DCC: variants seen among roughly 807,000 people sequenced by gnomAD.
DCC encodes the protein netrin receptor DCC.
A neutral mutation model predicts 172.5 loss-of-function variants in DCC; 58 were observed. That is an observed-to-expected ratio of 0.34 (90% CI 0.27 to 0.42). DCC has a LOEUF of 0.42. Ranked by LOEUF, DCC falls within the 10% of genes least tolerant of loss-of-function variation. The probability of loss-of-function intolerance (pLI) is 1.00; values close to 1 mark genes in which losing one functional copy is unlikely to be tolerated. For missense variants in DCC, 1,740 were observed against 1,791.0 expected (o/e 0.97, Z 0.51); for synonymous variants, 709 against 644.5 (o/e 1.10, Z -1.52).
intron 2 of DCC, among the ~76,000 whole-genome samples, chr18:52,868,114 T>C (rs1329479165): frequency 2.0e-5 from 3 of 151,560 alleles, no homozygotes; most frequent in African/African-American, 7.3e-5. Context: ...TATATTTGTA[T>C]ATATATGTGT....
chr18:53,394,594 A>G (rs1908794863), intron 17 of DCC, among the ~76,000 whole-genome samples: 1 of 152,106 alleles, frequency 6.6e-6, no homozygotes, highest in Admixed American at 6.6e-5. Context: ...TACTAGATAT[A>G]ATATGGATGT....
chr18:52,435,366 T>C (rs1598816041), intron 1 of DCC, among the ~76,000 whole-genome samples: 1 of 152,150 alleles, frequency 6.6e-6, no homozygotes, highest in Non-Finnish European at 1.5e-5. Context: ...ACTTAGCCCT[T>C]CTCTATTTCA....
intron 1 of DCC, among the ~76,000 whole-genome samples, chr18:52,700,358 CACACACACACAT>C (rs1218883675): frequency 1.3e-5 from 1 of 77,658 alleles, no homozygotes; most frequent in African/African-American, 3.5e-5. Flanking sequence ...CACTCACATG[CACACACACACAT>C]GCACACACAT....
In DCC at chr18:53,531,696, G is replaced by A. The variant is rs898642308; in HGVS notation, c.*1043G>A. 1 of 152,160 alleles carries A rather than the reference G, an allele frequency of 6.6e-6. No homozygotes were observed. Among genetic ancestry groups the A allele is most frequent in the Admixed American group, 6.6e-5 (1 of 15,258 alleles). 9.4% of individuals were successfully genotyped at this position (152,160 alleles called of 1,614,324 possible). ...GAAATGGCAGACTCCCTGAGAGCAG[G>A]AAGAGAAGGAAAATAAAAGGTAGCT... is the stretch of plus-strand genomic sequence containing the variant. On this transcript the variant is annotated 3_prime_UTR_variant, in exon 29 of 29. Coordinates refer to ENST00000442544, the MANE Select transcript of DCC (RefSeq NM_005215.4).
chr18:53,181,157 C>T (rs1321227125), intron 9 of DCC, among the ~76,000 whole-genome samples: 1 of 152,130 alleles, frequency 6.6e-6, no homozygotes. Context: ...GCTTTAAAAG[C>T]ATGCTCATTT....
rs117442443 is a variant in DCC, at chr18:53,287,447, A to C, written c.1912-18131A>C. On this transcript the variant is annotated intron_variant, in intron 12 of 28. Transcript: ENST00000442544. The stretch of plus-strand genomic sequence containing the variant: ...TTGTGTGAATAATGCTGCTATGAAC[A>C]TTTGTAAATAAGTTTATATGTAGAT... Among the ~76,000 whole-genome samples, 821 of 152,310 alleles carry C rather than the reference A, an allele frequency of 5.4e-3. 6 individuals are homozygous for C. Among genetic ancestry groups the C allele is most frequent in the Admixed American group, 0.023 (348 of 15,288 alleles).
chr18:52,445,120 A>G (rs1988082822), intron 1 of DCC, among the ~76,000 whole-genome samples: 2 of 152,208 alleles, frequency 1.3e-5, no homozygotes, highest in African/African-American at 2.4e-5. Context: ...GGAGAATAAA[A>G]GGAGAGGGAA....
At chr18:52,541,422 C>G (rs1304458858) in intron 1 of DCC, among the ~76,000 whole-genome samples, 7 of 152,080 alleles carry the variant, frequency 4.6e-5, no homozygotes, top group Non-Finnish European at 8.8e-5. Context: ...AATTTTTAAC[C>G]TCTGTTTTCT....
intron 1 of DCC, among the ~76,000 whole-genome samples, chr18:52,578,619 T>A (rs933725888): frequency 2.6e-5 from 4 of 152,226 alleles, no homozygotes; most frequent in Non-Finnish European, 5.9e-5. Context: ...TTCAATGAAG[T>A]TTTATTTTTG....
chr18:53,063,652 A>C (rs1025709899), intron 6 of DCC, 193 bp downstream of exon 6: 1 of 556,592 alleles, frequency 1.8e-6, no homozygotes, highest in Non-Finnish European at 3.2e-6. Context: ...TGATCAAAGA[A>C]TTCAGCCCCC....
intron 7 of DCC, among the ~76,000 whole-genome samples, chr18:53,131,931 A>G (rs997786500): frequency 6.5e-5 from 9 of 139,472 alleles, no homozygotes; most frequent in African/African-American, 2.4e-4. Context: ...CTTGGCAAAC[A>G]TGGTATCATT....
At chr18:53,485,702 A>G (rs1440510612) in intron 25 of DCC, among the ~76,000 whole-genome samples, 6 of 152,090 alleles carry the variant, frequency 3.9e-5, no homozygotes, top group Admixed American at 3.3e-4. Flanking sequence ...AGCCCTTTTA[A>G]AATCTTTTAT....
chr18:53,181,762 G>T (rs1002602607), intron 9 of DCC, among the ~76,000 whole-genome samples: 1 of 152,136 alleles, frequency 6.6e-6, no homozygotes, highest in African/African-American at 2.4e-5. Context: ...CAGCAGATTT[G>T]GGGGGAAGCA....
chr18:52,652,007 C>G (rs1285335828), intron 1 of DCC, among the ~76,000 whole-genome samples: 1 of 152,132 alleles, frequency 6.6e-6, no homozygotes, highest in Non-Finnish European at 1.5e-5. Context: ...TTGGAAAGTG[C>G]AACGCAACTT....
chr18:53,005,021 GC>G (rs2041623143), intron 5 of DCC, among the ~76,000 whole-genome samples: 1 of 152,116 alleles, frequency 6.6e-6, no homozygotes, highest in Admixed American at 6.6e-5. Flanking sequence ...AGTGAATTTA[GC>G]CCCTTCTTGC....
At chr18:53,323,307 A>T (rs1340063265) in intron 14 of DCC, among the ~76,000 whole-genome samples, 1 of 152,016 alleles carries the variant, frequency 6.6e-6, no homozygotes, top group Non-Finnish European at 1.5e-5. Flanking sequence ...ACTATCATTA[A>T]TGATTTTTCT....
intron 7 of DCC, among the ~76,000 whole-genome samples, chr18:53,123,025 A>G (rs529989544): frequency 6.6e-6 from 1 of 152,164 alleles, no homozygotes; most frequent in South Asian, 2.1e-4. Flanking sequence ...TGGACACTGT[A>G]CAGATCATCG....
intron 1 of DCC, among the ~76,000 whole-genome samples, chr18:52,663,034 C>T (rs1568280827): frequency 6.6e-6 from 1 of 152,088 alleles, no homozygotes; most frequent in Admixed American, 6.5e-5. Context: ...ATACCATTCC[C>T]ATACAAAAAA....
At chr18:52,622,277 C>T (rs2034494305) in intron 1 of DCC, among the ~76,000 whole-genome samples, 1 of 152,170 alleles carries the variant, frequency 6.6e-6, no homozygotes, top group African/African-American at 2.4e-5. Flanking sequence ...AACACAAATA[C>T]TCAACAGCTA....
Sources: allele counts gnomAD v4.1 joint callset (sites outside exome capture counted in the v4.1 genomes callset), GRCh38; gene constraint gnomAD v4.1.1; transcripts MANE v1.5; gene names NCBI Gene and HGNC (gene_info 2026-07-23, HGNC 2026-07-21).